The following AQR variants were observed in gnomAD, a reference collection of about 807,000 sequenced individuals.
AQR encodes RNA helicase aquarius.
AQR carries 61 observed loss-of-function variants against 180.5 expected under a neutral mutation model. The ratio of observed to expected loss-of-function variants is 0.34; its 90% CI spans 0.28 to 0.42. The LOEUF is 0.42. AQR is among the 10% of genes least tolerant of loss of function. The pLI is 1.00. For synonymous variants in AQR, 551 were observed against 588.8 expected, an observed-to-expected ratio of 0.94 and a Z score of 0.93; for missense variants, 1,281 against 1,798.3, an observed-to-expected ratio of 0.71 and a Z score of 5.20.
intron 20 of AQR, among the ~76,000 whole-genome samples, chr15:34,898,444 G>A (rs1893280404): frequency 6.6e-6 from 1 of 152,190 alleles, no homozygotes; most frequent in South Asian, 2.1e-4. Context: ...TAAGAAATAG[G>A]AGCATATCAG....
At chr15:34,880,137 C>A (rs1892949926) in intron 27 of AQR, among the ~76,000 whole-genome samples, 1 of 152,156 alleles carries the variant, frequency 6.6e-6, no homozygotes, top group Non-Finnish European at 1.5e-5. Context: ...GAAAACGGAA[C>A]AATTCTTCAA....
Position 34,946,874 on chromosome 15 carries a change from C to CGGGA in AQR, c.330+1386_330+1389dup, listed in dbSNP as rs1367638319. On this transcript the variant is annotated intron_variant, in intron 5 of 34. Coordinates refer to ENST00000156471, the MANE Select transcript of AQR (RefSeq NM_014691.3). ...CCTCTGCCCAGCCAGCCGCCCCGTC[C>CGGGA]GGGAGGGAGGTGGGGGGGGTCAGCC... Among the ~76,000 whole-genome samples the CGGGA allele has an allele frequency of 8.9e-5, 13 of 145,310 alleles. No individual in the cohort carries two copies. In the South Asian group the frequency reaches 2.9e-3, roughly 32 times the overall value.
rs369036027 is a variant in AQR at position 34,907,203 on chromosome 15, T to G, written c.1664-491A>C. Among the ~76,000 whole-genome samples, 67 of 152,330 alleles carry G rather than the reference T, an allele frequency of 4.4e-4. 2 individuals carry two copies. The South Asian group carries it at 0.014, about 32-fold the overall frequency. ...ATAATTAATCAAGGCAAAAAAGTATTGTTTACAGGTATGATCTTGAGAAAG... is the reference window on the plus strand; with the variant it reads ...ATAATTAATCAAGGCAAAAAAGTATGGTTTACAGGTATGATCTTGAGAAAG... On this transcript the variant is annotated intron_variant, in intron 17 of 34. Coordinates refer to ENST00000156471, the MANE Select transcript of AQR (RefSeq NM_014691.3).
rs777900641 is a variant in AQR, at chr15:34,873,903, C to T, written c.3522G>A (p.Leu1174=). ...PEFSTANAGL[L]YDFQLINVED... ...CAACATTAATGAGCTGGAAGTCATACAGTAAGCCAGCATTTGCTGTACTAA... is the reference window on the plus strand; with the variant it reads ...CAACATTAATGAGCTGGAAGTCATATAGTAAGCCAGCATTTGCTGTACTAA... The change falls in exon 30 of 35, where the codon CTG becomes CTA. Residue 1174 remains leucine, a synonymous_variant. Transcript: ENST00000156471. The T allele has an allele frequency of 5.0e-6, 8 of 1,612,044 alleles. No homozygotes were observed. Among genetic ancestry groups the T allele is most frequent in the South Asian group, 2.2e-5 (2 of 90,746 alleles).
At chr15:34,879,667 C>T (rs1182248437) in intron 27 of AQR, among the ~76,000 whole-genome samples, 2 of 152,004 alleles carry the variant, frequency 1.3e-5, no homozygotes, top group African/African-American at 2.4e-5. Flanking sequence ...CACTGAGCAG[C>T]GAGCCCCTTT....
intron 17 of AQR, among the ~76,000 whole-genome samples, chr15:34,908,336 C>T (rs368178406): frequency 4.9e-4 from 74 of 151,952 alleles, no homozygotes; most frequent in African/African-American, 1.7e-3. Context: ...ACTCGGGAGG[C>T]TGAGGCAGAG....
intron 15 of AQR, among the ~76,000 whole-genome samples, chr15:34,916,703 C>T (rs1893594847): frequency 6.6e-6 from 1 of 151,446 alleles, no homozygotes; most frequent in Non-Finnish European, 1.5e-5. Context: ...AACACACCAC[C>T]ACCAAGAATC....
At chr15:34,935,066 C>T (rs1159044633) in intron 9 of AQR, among the ~76,000 whole-genome samples, 1 of 152,002 alleles carries the variant, frequency 6.6e-6, no homozygotes, top group Admixed American at 6.6e-5. Context: ...CACACACATA[C>T]GTATATGTAC....
In AQR at chr15:34,853,236, G is replaced by A. The variant is rs1049432533; in HGVS notation, c.*3556C>T. 4 of 148,044 alleles carry A rather than the reference G, an allele frequency of 2.7e-5. No homozygotes were observed. The highest frequency in any genetic ancestry group is 4.4e-5 in the Non-Finnish European group (3 of 67,786). The allele number at this position is 148,044 out of a possible 1,614,324, so 9.2% of individuals were successfully genotyped here. On this transcript the variant is annotated 3_prime_UTR_variant, in exon 35 of 35. Coordinates refer to ENST00000156471, the MANE Select transcript of AQR (RefSeq NM_014691.3). ...CTGCTCTTCTGGCTTATGCAAAAGG[G>A]TCACTGTTTTTTTTTTTTTTTTAAC...
At chr15:34,905,324 C>T (rs886829401) in intron 18 of AQR, among the ~76,000 whole-genome samples, 1 of 151,902 alleles carries the variant, frequency 6.6e-6, no homozygotes, top group Non-Finnish European at 1.5e-5. Context: ...AAAATAAGCA[C>T]TAGACATGTA....
rs953159309 is a variant in AQR, at chr15:34,853,509, T to C, written c.*3283A>G. The C allele has an allele frequency of 6.6e-6, 1 of 152,234 alleles. No homozygotes were observed. The highest frequency in any genetic ancestry group is 1.5e-5 in the Non-Finnish European group (1 of 68,042). The allele number at this position is 152,234 out of a possible 1,614,324, so 9.4% of individuals were successfully genotyped here. ...TTGGCAGAGATCACTCTCGATGTTA[T>C]GATGTACTGATTCAGAGGTCCCAAA... On this transcript the variant is annotated 3_prime_UTR_variant, in exon 35 of 35. Transcript: ENST00000156471.
chr15:34,946,245 C>T (rs924423573), intron 5 of AQR, among the ~76,000 whole-genome samples: 1 of 152,230 alleles, frequency 6.6e-6, no homozygotes, highest in Non-Finnish European at 1.5e-5. Flanking sequence ...GCACTCCAGC[C>T]TGGATAACAA....
At chr15:34,912,356 T>C (rs1893513792) in intron 16 of AQR, among the ~76,000 whole-genome samples, 2 of 152,132 alleles carry the variant, frequency 1.3e-5, no homozygotes, top group Admixed American at 6.5e-5. Flanking sequence ...TCTCTCAGTT[T>C]TTGTTCTCTT....
rs368732448 is a variant in AQR at position 34,857,006 on chromosome 15, G to C, written c.4244C>G (p.Ala1415Gly). 18 of 1,613,966 alleles carry C rather than the reference G, an allele frequency of 1.1e-5. No homozygotes were observed. The highest frequency in any genetic ancestry group is 3.3e-5 in the South Asian group (3 of 91,082). Residue 1415 changes from alanine to glycine, a missense_variant, in exon 35 of 35, where the codon GCT becomes GGT. Ala to Gly is a moderately conservative substitution (Grantham distance 60). Around this residue, in one of 9 missense-constraint regions of AQR, gnomAD observed 182 missense variants for 185.3 expected, o/e 0.98. Coordinates refer to ENST00000156471, the MANE Select transcript of AQR (RefSeq NM_014691.3). ...ETEEEAMTVQ[A>G]DIIPSPTDTS... ...GTCTGTTGGACTGGGTATGATGTCAGCTTGAACAGTCATGGCCTCTTCTTC... is the reference window on the plus strand; with the variant it reads ...GTCTGTTGGACTGGGTATGATGTCACCTTGAACAGTCATGGCCTCTTCTTC...
In AQR at chr15:34,852,609, G is replaced by C. The variant is rs566824388; in HGVS notation, c.*4183C>G. 8.5e-5 allele frequency: 13 copies of C among 152,182 alleles called. No homozygotes were observed. Among genetic ancestry groups the C allele is most frequent in the African/African-American group, 3.1e-4 (13 of 41,550 alleles). The allele number at this position is 152,182 out of a possible 1,614,324, so 9.4% of individuals were successfully genotyped here. A position where few individuals can be genotyped will look rare whatever the true frequency, so the allele number is the denominator to read the frequency against. ...CAAAGTTTTATGCTCTAATAAGTTTGGGAAATGCTAGGTTAAACAAAGCTA... is the reference window on the plus strand; with the variant it reads ...CAAAGTTTTATGCTCTAATAAGTTTCGGAAATGCTAGGTTAAACAAAGCTA... On this transcript the variant is annotated 3_prime_UTR_variant, in exon 35 of 35. Transcript: ENST00000156471.
intron 6 of AQR, chr15:34,943,285 T>A (rs748575562): frequency 6.4e-7 from 1 of 1,573,364 alleles, no homozygotes; most frequent in Non-Finnish European, 8.7e-7. Context: ...GTGCTAAGGC[T>A]TGAGTGCATT....
chr15:34,904,530 A>G (rs754023878), intron 18 of AQR, 25 bp from the exon 19 acceptor site: 17 of 1,569,174 alleles, frequency 1.1e-5, no homozygotes, highest in Middle Eastern at 3.4e-4. Context: ...AAAGTTTGTT[A>G]AATAAAATAT....
intron 3 of AQR, among the ~76,000 whole-genome samples, chr15:34,959,041 G>T (rs1007512441): frequency 2.6e-5 from 4 of 151,832 alleles, no homozygotes; most frequent in African/African-American, 9.7e-5. Flanking sequence ...ATATCTGTCT[G>T]TCCGTCTGTC....
chr15:34,929,792 T>G (rs1408403533), intron 12 of AQR, among the ~76,000 whole-genome samples: 1 of 152,222 alleles, frequency 6.6e-6, no homozygotes, highest in Non-Finnish European at 1.5e-5. Flanking sequence ...TAAAACTTCC[T>G]TCTGCCATCA....
Sources: gnomAD v4.1 joint callset for allele counts (sites outside exome capture counted in the v4.1 genomes callset) on GRCh38, gnomAD v4.1.1 for gene constraint, gnomAD v4.1.1 regional missense constraint, MANE v1.5 for transcripts, NCBI Gene and HGNC (gene_info 2026-07-23, HGNC 2026-07-21) for gene names.